DLGAP2: variants seen among roughly 807,000 people sequenced by gnomAD.
The protein encoded by DLGAP2 is DLG associated protein 2.
In DLGAP2, 26 loss-of-function variants were observed where a neutral mutation model predicts 100.3. That is an observed-to-expected ratio of 0.26 (90% confidence interval 0.19 to 0.36). The LOEUF (loss-of-function observed/expected upper bound fraction) is 0.36, where lower values mean the gene tolerates loss of function less well. Among genes scored for constraint, DLGAP2 ranks in the 10% least tolerant of loss-of-function variants. The probability of loss-of-function intolerance (pLI) is 1.00; values close to 1 mark genes in which losing one functional copy is unlikely to be tolerated. For missense variants in DLGAP2, 1,858 were observed against 1,453.2 expected (o/e 1.28, Z -4.53); for synonymous variants, 886 against 630.1 (o/e 1.41, Z -6.08).
chr8:1,038,909 C>T (rs978363399), intron 2 of DLGAP2, among the ~76,000 whole-genome samples: 4 of 152,126 alleles, frequency 2.6e-5, no homozygotes, highest in African/African-American at 7.2e-5. Flanking sequence ...GTCAGTTTCT[C>T]GGGTAACCCA....
chr8:980,922 T>C (rs551667918), intron 2 of DLGAP2, among the ~76,000 whole-genome samples: 16 of 152,234 alleles, frequency 1.1e-4, no homozygotes, highest in African/African-American at 3.6e-4. Context: ...AGTGGCAAAA[T>C]GTACATAACA....
At chr8:1,004,047 G>C (rs934331444) in intron 2 of DLGAP2, among the ~76,000 whole-genome samples, 1 of 151,942 alleles carries the variant, frequency 6.6e-6, no homozygotes, top group African/African-American at 2.4e-5. Context: ...ATAATTGCCC[G>C]ATACATGTTA....
chr8:1,337,288 G>A (rs1302244561), intron 3 of DLGAP2, among the ~76,000 whole-genome samples: 1 of 108,588 alleles, frequency 9.2e-6, no homozygotes, highest in Non-Finnish European at 1.9e-5. Flanking sequence ...TGGTGGTGGC[G>A]ATGGTGATGA....
intron 3 of DLGAP2, among the ~76,000 whole-genome samples, chr8:1,434,737 A>G (rs989806352): frequency 3.3e-5 from 5 of 152,124 alleles, no homozygotes; most frequent in Non-Finnish European, 5.9e-5. Flanking sequence ...TGTCTTCCAA[A>G]GTGCTGGGAT....
intron 2 of DLGAP2, among the ~76,000 whole-genome samples, chr8:1,152,046 A>G (rs1212999412): frequency 6.6e-6 from 1 of 152,230 alleles, no homozygotes; most frequent in Non-Finnish European, 1.5e-5. Context: ...TTTCCAAATT[A>G]GAAGATGACA....
chr8:1,650,610 T>A (rs544850370), intron 8 of DLGAP2, among the ~76,000 whole-genome samples: 5 of 152,254 alleles, frequency 3.3e-5, no homozygotes, highest in Non-Finnish European at 7.3e-5. Flanking sequence ...ACTGGGTGCT[T>A]TTCAAAAGAT....
At chr8:1,003,852 T>A (rs1801031418) in intron 2 of DLGAP2, among the ~76,000 whole-genome samples, 1 of 152,246 alleles carries the variant, frequency 6.6e-6, no homozygotes, top group African/African-American at 2.4e-5. Flanking sequence ...CATGACATTC[T>A]ATCAAGAGAT....
intron 2 of DLGAP2, among the ~76,000 whole-genome samples, chr8:1,158,806 C>G (rs553568296): frequency 3.3e-5 from 5 of 152,298 alleles, no homozygotes; most frequent in African/African-American, 1.2e-4. Context: ...GACAACTGCA[C>G]AGTTTTTTTT....
chr8:1,619,472 A>C (rs149587701), intron 6 of DLGAP2, among the ~76,000 whole-genome samples: 1 of 152,194 alleles, frequency 6.6e-6, no homozygotes, highest in Non-Finnish European at 1.5e-5. Context: ...TTTCATTTCT[A>C]TGTAAGAAAG....
intron 2 of DLGAP2, among the ~76,000 whole-genome samples, chr8:1,228,626 G>T (rs750692407): frequency 6.6e-6 from 1 of 152,118 alleles, no homozygotes; most frequent in Non-Finnish European, 1.5e-5. Context: ...TTTCAAGTTT[G>T]TTTTGACATC....
chr8:1,308,510 C>A (rs1280506801), intron 3 of DLGAP2, among the ~76,000 whole-genome samples: 1 of 152,134 alleles, frequency 6.6e-6, no homozygotes, highest in Non-Finnish European at 1.5e-5. Flanking sequence ...TTCAGGACAA[C>A]AAAAGAAATC....
chr8:763,817 C>G (rs372553230), intron 1 of DLGAP2, among the ~76,000 whole-genome samples: 11 of 152,168 alleles, frequency 7.2e-5, no homozygotes, highest in African/African-American at 2.4e-4. Context: ...AAGAATGAGG[C>G]AAACGATGAA....
intron 1 of DLGAP2, among the ~76,000 whole-genome samples, chr8:841,189 A>G (rs1315369942): frequency 2.0e-5 from 3 of 152,218 alleles, no homozygotes. Flanking sequence ...CCTGAATTTA[A>G]AAGTTATCAA....
intron 3 of DLGAP2, among the ~76,000 whole-genome samples, chr8:1,304,899 T>C (rs1011372613): frequency 3.3e-5 from 5 of 152,228 alleles, no homozygotes; most frequent in Non-Finnish European, 7.3e-5. Flanking sequence ...GCATTTGATA[T>C]AATCATCTGT....
At chr8:1,197,783 A>C (rs1367389204) in intron 2 of DLGAP2, among the ~76,000 whole-genome samples, 1 of 152,232 alleles carries the variant, frequency 6.6e-6, no homozygotes, top group Admixed American at 6.5e-5. Context: ...AGATGTCCAC[A>C]TGAACCGCAC....
At chr8:1,523,800 C>T (rs1046772833) in intron 4 of DLGAP2, among the ~76,000 whole-genome samples, 63 of 152,220 alleles carry the variant, frequency 4.1e-4, no homozygotes, top group Non-Finnish European at 6.6e-4. Context: ...ATGGTGGCCT[C>T]CCAGCAGTTC....
At chr8:1,263,025 TA>T (rs1463490074) in intron 3 of DLGAP2, among the ~76,000 whole-genome samples, 4 of 152,152 alleles carry the variant, frequency 2.6e-5, no homozygotes, top group Admixed American at 6.5e-5. Context: ...AGTGACGTAT[TA>T]ACAGTGTCTT....
chr8:888,547 G>C (rs373934843), intron 1 of DLGAP2, among the ~76,000 whole-genome samples: 2 of 149,864 alleles, frequency 1.3e-5, no homozygotes, highest in African/African-American at 4.9e-5. Context: ...CTGACCCTTG[G>C]ATGGGGTTTC....
chr8:1,462,777 A>G (rs1376628580), intron 3 of DLGAP2, among the ~76,000 whole-genome samples: 1 of 152,204 alleles, frequency 6.6e-6, no homozygotes, highest in Non-Finnish European at 1.5e-5. Flanking sequence ...TGCCTCCTGA[A>G]CAAGCCTCAT....
Sources: gnomAD v4.1 joint callset for allele counts (sites outside exome capture counted in the v4.1 genomes callset) on GRCh38, gnomAD v4.1.1 for gene constraint, MANE v1.5 for transcripts, NCBI Gene and HGNC (gene_info 2026-07-23, HGNC 2026-07-21) for gene names.